DZIP1L: variants seen among roughly 807,000 people sequenced by gnomAD.
DZIP1L encodes cilium assembly protein DZIP1L.
In DZIP1L, 90 loss-of-function variants were observed where a neutral mutation model predicts 88.7. The observed-to-expected ratio is 1.02, with a 90% CI of 0.86 to 1.21. The LOEUF is 1.21. Among genes scored for constraint, DZIP1L ranks in the 50% most tolerant of loss-of-function variants. The pLI is 0.00. For synonymous variants in DZIP1L, 363 were observed against 372.1 expected (o/e 0.98, Z 0.28); for missense variants, 932 against 955.8 (o/e 0.98, Z 0.33).
chr3:138,101,105 C>T (rs1164504062), intron 2 of DZIP1L, among the ~76,000 whole-genome samples: 1 of 152,046 alleles, frequency 6.6e-6, no homozygotes, highest in African/African-American at 2.4e-5. Flanking sequence ...ATAAATACAC[C>T]CTTAGACACA....
chr3:138,090,971 C>T (rs1322857698), intron 5 of DZIP1L, among the ~76,000 whole-genome samples: 7 of 151,450 alleles, frequency 4.6e-5, no homozygotes, highest in East Asian at 2.0e-4. Flanking sequence ...GCAACCTCCA[C>T]CTCCTGGGTT....
intron 1 of DZIP1L, among the ~76,000 whole-genome samples, chr3:138,112,869 C>T (rs1052113273): frequency 1.3e-5 from 2 of 152,148 alleles, no homozygotes; most frequent in South Asian, 2.1e-4. Context: ...ATCACTTCAA[C>T]CTGGGAAGCA....
At chr3:138,092,193 T>C (rs1167367359) in intron 5 of DZIP1L, among the ~76,000 whole-genome samples, 190 bp downstream of exon 5, 1 of 152,206 alleles carries the variant, frequency 6.6e-6, no homozygotes, top group Non-Finnish European at 1.5e-5. Flanking sequence ...ACAGCCAGAA[T>C]GTTGACACAG....
At chr3:138,069,605 T>A (rs1943080670) in intron 12 of DZIP1L, among the ~76,000 whole-genome samples, 1 of 152,198 alleles carries the variant, frequency 6.6e-6, no homozygotes. Context: ...CCCATGACTG[T>A]GTACCAGATA....
At chr3:138,064,195 C>T (rs143606709) in intron 15 of DZIP1L, among the ~76,000 whole-genome samples, 1 of 152,214 alleles carries the variant, frequency 6.6e-6, no homozygotes, top group Admixed American at 6.5e-5. Context: ...ATGTGCTATG[C>T]GAGGCCACTC....
At chr3:138,093,196 A>G (rs1227284839) in intron 4 of DZIP1L, among the ~76,000 whole-genome samples, 3 of 152,258 alleles carry the variant, frequency 2.0e-5, no homozygotes, top group Non-Finnish European at 4.4e-5. Context: ...TATTGTGTTA[A>G]CAGGCTTGAA....
chr3:138,074,293 T>C (rs762677435), intron 11 of DZIP1L, among the ~76,000 whole-genome samples: 6 of 152,172 alleles, frequency 3.9e-5, no homozygotes, highest in Non-Finnish European at 8.8e-5. Flanking sequence ...GAAAGAATCA[T>C]AAGAGCTGTG....
intron 6 of DZIP1L, 44 bp downstream of exon 6, chr3:138,088,335 C>T: frequency 3.2e-6 from 5 of 1,564,352 alleles, no homozygotes; most frequent in Non-Finnish European, 3.5e-6. Flanking sequence ...GAGAAGATGG[C>T]TCTTGGCTTC....
chr3:138,108,682 G>C (rs978666388), intron 1 of DZIP1L, among the ~76,000 whole-genome samples: 8 of 151,976 alleles, frequency 5.3e-5, no homozygotes, highest in Non-Finnish European at 8.8e-5. Flanking sequence ...CTAGCCCCTC[G>C]GTCTCTTGTG....
intron 11 of DZIP1L, among the ~76,000 whole-genome samples, chr3:138,074,757 A>C (rs1338072353): frequency 6.6e-6 from 1 of 151,166 alleles, no homozygotes; most frequent in African/African-American, 2.4e-5. Flanking sequence ...CAAGGTATTC[A>C]GGCAACAAAT....
chr3:138,081,804 G>A (rs773037144), intron 8 of DZIP1L, 40 bp from the exon 9 acceptor site: 22 of 1,607,422 alleles, frequency 1.4e-5, no homozygotes, highest in Non-Finnish European at 1.9e-5. Context: ...AACCAGCAGA[G>A]AACATTGTGA....
chr3:138,063,745 A>G lies in DZIP1L; in HGVS notation c.2143-768T>C, dbSNP rs571124888. Among the ~76,000 whole-genome samples, 3 of 152,324 alleles carry G rather than the reference A, an allele frequency of 2.0e-5. No homozygotes were observed. The South Asian group carries it at 6.2e-4, about 32-fold the overall frequency. On this transcript the variant is annotated intron_variant, in intron 15 of 15. Transcript: ENST00000327532. This position sits in a 1 kb window ranked among gnomAD's most constrained non-coding sequence, Gnocchi z 4.1. ...CTGTTGGTGCTCTTTCACAATTTGG[A>G]AAAAGGAACAAGTTTTTTCTTTTCA... is the stretch of plus-strand genomic sequence containing the variant.
chr3:138,077,469 AGCCCTTAAAACGATG>A lies in DZIP1L; in HGVS notation c.1422+15_1422+29del. On this transcript the variant is annotated intron_variant, in intron 11 of 15. Coordinates refer to ENST00000327532, the MANE Select transcript of DZIP1L (RefSeq NM_173543.3). Reference sequence around the variant, plus strand: ...ACTTAGTGTCTAAATCGTAGGTATCAGCCCTTAAAACGATGGCCCTGAAACTCACCTTCCTTATCC... The same window carrying A: ...ACTTAGTGTCTAAATCGTAGGTATCAGCCCTGAAACTCACCTTCCTTATCC... 6.2e-7 allele frequency: 1 copy of A among 1,613,352 alleles called. No individual in the cohort carries two copies. Among genetic ancestry groups the A allele is most frequent in the Non-Finnish European group, 8.5e-7 (1 of 1,179,430 alleles).
At chr3:138,093,427 T>C (rs1944326830) in intron 4 of DZIP1L, among the ~76,000 whole-genome samples, 1 of 152,224 alleles carries the variant, frequency 6.6e-6, no homozygotes, top group African/African-American at 2.4e-5. Context: ...TTAAGGGCCC[T>C]AGAATTTTCA....
At chr3:138,064,558 C>T (rs779075408) in intron 15 of DZIP1L, 70 bp downstream of exon 15, 4 of 1,613,618 alleles carry the variant, frequency 2.5e-6, no homozygotes, top group Non-Finnish European at 3.4e-6. Context: ...ACCTTCACCC[C>T]AGGCCCCCCA....
At chr3:138,082,444 T>G (rs932805699) in intron 8 of DZIP1L, among the ~76,000 whole-genome samples, 1 of 152,220 alleles carries the variant, frequency 6.6e-6, no homozygotes, top group Admixed American at 6.5e-5. Context: ...ATAAAACAGA[T>G]AAGCAGCAGA....
At chr3:138,092,337 CAGATTTCCAACAAAGA>C in intron 5 of DZIP1L, 30 bp downstream of exon 5, 1 of 1,481,098 alleles carries the variant, frequency 6.8e-7, no homozygotes. Context: ...TGAGAATAAG[CAGATTTCCAACAAAGA>C]AACTTTAAAA....
At chr3:138,085,206 C>A (rs1438589078) in intron 7 of DZIP1L, among the ~76,000 whole-genome samples, 1 of 152,176 alleles carries the variant, frequency 6.6e-6, no homozygotes, top group East Asian at 1.9e-4. Context: ...GCAAGGACTT[C>A]ATGTCTAAAA....
intron 7 of DZIP1L, among the ~76,000 whole-genome samples, chr3:138,085,372 A>G (rs929444637): frequency 5.3e-5 from 8 of 152,224 alleles, no homozygotes; most frequent in African/African-American, 1.9e-4. Context: ...CAAAGGGCTA[A>G]TATCTGGAAT....
Sources: allele counts gnomAD v4.1 joint callset (sites outside exome capture counted in the v4.1 genomes callset), GRCh38; gene constraint gnomAD v4.1.1; non-coding constraint Gnocchi (gnomAD v3.1); transcripts MANE v1.5; gene names NCBI Gene and HGNC (gene_info 2026-07-23, HGNC 2026-07-21).